Variants in IL12B observed in about 807,000 individuals in gnomAD.
The protein encoded by IL12B is interleukin 12B, also known as interleukin-12 subunit beta.
In IL12B, 27 loss-of-function variants were observed where a neutral mutation model predicts 39.2. That is an observed-to-expected ratio of 0.69 (90% CI 0.51 to 0.95). The LOEUF (loss-of-function observed/expected upper bound fraction) is 0.95, where lower values mean the gene tolerates loss of function less well. Ranked by LOEUF, IL12B falls within the 40% of genes least tolerant of loss-of-function variation. The probability of loss-of-function intolerance (pLI) is 0.00; values close to 1 mark genes in which losing one functional copy is unlikely to be tolerated. For synonymous variants in IL12B, 142 were observed against 152.1 expected (o/e 0.93, Z 0.49); for missense variants, 351 against 397.6 (o/e 0.88, Z 1.00).
chr5:159,320,880 A>G (rs1754074610), intron 4 of IL12B, among the ~76,000 whole-genome samples: 1 of 152,244 alleles, frequency 6.6e-6, no homozygotes, highest in Admixed American at 6.5e-5. Context: ...ATAAAGATCC[A>G]TATAAAGGAA....
chr5:159,323,436 AC>A, intron 2 of IL12B, 107 bp from the exon 3 acceptor site: 3 of 1,052,832 alleles, frequency 2.8e-6, no homozygotes, highest in Non-Finnish European at 4.3e-6. Context: ...AACCTTGTTT[AC>A]AACAAGTATT....
rs377524637 is a variant in IL12B, at chr5:159,316,734, C to A, written c.938G>T (p.Arg313Leu). Residue 313 changes from arginine to leucine, a missense_variant, in exon 7 of 8, where the codon CGC (arginine) becomes CTC (leucine). Transcript: ENST00000231228. ...TTCGCTCCAAGATGAGCTATAGTAG[C>A]GGTCCTGGGCCCGCACGCTAATGCT... is the stretch of plus-strand genomic sequence containing the variant. ...NASISVRAQD[R>L]YYSSSWSEWA... The A allele has an allele frequency of 6.2e-7, 1 of 1,614,084 alleles. No individual in the cohort carries two copies. The highest frequency in any genetic ancestry group is 8.5e-7 in the Non-Finnish European group (1 of 1,180,016).
At chr5:159,317,260 T>C (rs1285890644) in intron 6 of IL12B, among the ~76,000 whole-genome samples, 1 of 152,218 alleles carries the variant, frequency 6.6e-6, no homozygotes, top group Non-Finnish European at 1.5e-5. Flanking sequence ...TGTCTTAGGT[T>C]CTCTGTGTCT....
intron 1 of IL12B, among the ~76,000 whole-genome samples, chr5:159,329,309 G>C (rs1754240546): frequency 6.6e-6 from 1 of 152,188 alleles, no homozygotes; most frequent in East Asian, 1.9e-4. Flanking sequence ...TTCTAGAACT[G>C]TGTGACTCTG....
intron 4 of IL12B, among the ~76,000 whole-genome samples, chr5:159,321,775 T>C (rs977500591): frequency 6.6e-6 from 1 of 152,238 alleles, no homozygotes; most frequent in African/African-American, 2.4e-5. Context: ...AAAGTCAGGA[T>C]GATCACCTGG....
intron 5 of IL12B, 96 bp from the exon 6 acceptor site, chr5:159,318,989 G>T: frequency 9.8e-7 from 1 of 1,017,134 alleles, no homozygotes; most frequent in Non-Finnish European, 1.5e-6. Context: ...GATCAGCTGT[G>T]AGTCCACTGG....
At chr5:159,326,916 T>A (rs528788313) in intron 1 of IL12B, 134 bp from the exon 2 acceptor site, 70 of 693,168 alleles carry the variant, frequency 1.0e-4, no homozygotes, top group East Asian at 7.3e-4. Context: ...ACTTTTTTTT[T>A]AAATAAAATC....
intron 2 of IL12B, among the ~76,000 whole-genome samples, chr5:159,324,356 A>C (rs972641250): frequency 6.6e-6 from 1 of 152,184 alleles, no homozygotes; most frequent in African/African-American, 2.4e-5. Flanking sequence ...GCAAAGCTTC[A>C]TTCATTTTTT....
intron 1 of IL12B, among the ~76,000 whole-genome samples, chr5:159,328,902 G>C (rs77173556): frequency 6.6e-6 from 1 of 152,288 alleles, no homozygotes; most frequent in Middle Eastern, 3.4e-3. Flanking sequence ...AGGTGATGGT[G>C]GTGGGTCTCC....
rs1411266117 is a variant in IL12B at position 159,316,932 on chromosome 5, C to T, written c.856-116G>A. 6.8e-6 allele frequency: 8 copies of T among 1,172,496 alleles called. No individual in the cohort carries two copies. In the East Asian group the frequency reaches 1.6e-4, roughly 24 times the overall value. 72.6% of individuals were successfully genotyped at this position (1,172,496 alleles called of 1,614,324 possible). On this transcript the variant is annotated intron_variant, in intron 6 of 7. Coordinates refer to ENST00000231228, the MANE Select transcript of IL12B (RefSeq NM_002187.3). ...ACAAGCCCATCTTGGTCTTAGGGCACTGTGCTTGCAATTCACAGGGGTGTG... is the reference window on the plus strand; with the variant it reads ...ACAAGCCCATCTTGGTCTTAGGGCATTGTGCTTGCAATTCACAGGGGTGTG...
Position 159,316,427 on chromosome 5 carries a change from T to C in IL12B, c.*258A>G, listed in dbSNP as rs572390462. On this transcript the variant is annotated intron_variant, in intron 7 of 7. Transcript: ENST00000231228. ...TCTGCCTCCTGGCTACCTCTCTCTT[T>C]TCTTTGCCTTTCTCTTTAGGAGGCC... is the stretch of plus-strand genomic sequence containing the variant. Among the ~76,000 whole-genome samples, 17 of 152,366 alleles carry C rather than the reference T, an allele frequency of 1.1e-4. 1 individual carries two copies. The South Asian group carries it at 3.5e-3, about 32-fold the overall frequency.
Position 159,315,355 on chromosome 5 carries a change from G to A in IL12B, c.*746C>T, listed in dbSNP as rs41292468. 178 of 152,116 alleles carry A rather than the reference G, an allele frequency of 1.2e-3. No homozygotes were observed. The highest frequency in any genetic ancestry group is 2.2e-3 in the Non-Finnish European group (151 of 68,040). The allele number at this position is 152,116 out of a possible 1,614,324, so 9.4% of individuals were successfully genotyped here. On this transcript the variant is annotated 3_prime_UTR_variant, in exon 8 of 8. Coordinates refer to ENST00000231228, the MANE Select transcript of IL12B (RefSeq NM_002187.3). ...CCACAAGCATGAGCCACCACGCCTG[G>A]CTAATTTTAAATTTTTTTTGTAGAG...
intron 7 of IL12B, 137 bp downstream of exon 7, chr5:159,316,548 A>G: frequency 1.2e-6 from 1 of 850,470 alleles, no homozygotes; most frequent in Non-Finnish European, 1.9e-6. Context: ...TAGTGAATAA[A>G]TGTATGTTTC....
At position 159,314,790 on chromosome 5, in the gene IL12B, A is replaced by G. The variant is rs1232124629; in HGVS notation, c.*1311T>C. ...TGAGAATGCCCAAAATATGATTACA[A>G]AGAAGAGTTTTTATTAGTTCAGCCT... On this transcript the variant is annotated 3_prime_UTR_variant, in exon 8 of 8. Coordinates refer to ENST00000231228, the MANE Select transcript of IL12B (RefSeq NM_002187.3). 1 of 152,344 alleles carries G rather than the reference A, an allele frequency of 6.6e-6. No homozygotes were observed. The highest frequency in any genetic ancestry group is 1.5e-5 in the Non-Finnish European group (1 of 68,046). The allele number at this position is 152,344 out of a possible 1,614,324, so 9.4% of individuals were successfully genotyped here.
intron 1 of IL12B, among the ~76,000 whole-genome samples, chr5:159,328,207 C>A (rs936340936): frequency 2.6e-5 from 4 of 152,178 alleles, no homozygotes; most frequent in Non-Finnish European, 2.9e-5. Context: ...CCTTCTTGGA[C>A]ACTGCTCAGT....
In IL12B at chr5:159,316,836, C is replaced by G; in HGVS notation, c.856-20G>C. The G allele has an allele frequency of 1.2e-6, 2 of 1,613,766 alleles. No individual in the cohort carries two copies. Among genetic ancestry groups the G allele is most frequent in the Non-Finnish European group, 1.7e-6 (2 of 1,179,940 alleles). Reference sequence around the variant, plus strand: ...ATCTTTCTGCAAAAGAGAAGGAAAGCTGTGAAGACCCCTTGGCAACATAGT... The same window carrying G: ...ATCTTTCTGCAAAAGAGAAGGAAAGGTGTGAAGACCCCTTGGCAACATAGT... On this transcript the variant is annotated intron_variant, in intron 6 of 7. Coordinates refer to ENST00000231228, the MANE Select transcript of IL12B (RefSeq NM_002187.3).
chr5:159,328,663 G>A (rs975692249), intron 1 of IL12B, among the ~76,000 whole-genome samples: 1 of 152,196 alleles, frequency 6.6e-6, no homozygotes, highest in Non-Finnish European at 1.5e-5. Context: ...AAACCCAGAG[G>A]CTGGCACACT....
chr5:159,320,227 C>T, intron 5 of IL12B, 79 bp downstream of exon 5: 2 of 1,216,398 alleles, frequency 1.6e-6, no homozygotes, highest in Admixed American at 1.7e-5. Context: ...ACCACCTACC[C>T]CACAGTGCAT....
In IL12B at chr5:159,318,796, T is replaced by C. The variant is rs1322740189; in HGVS notation, c.795A>G (p.Pro265=). 1 of 1,614,094 alleles carries C rather than the reference T, an allele frequency of 6.2e-7. No individual in the cohort carries two copies. Among genetic ancestry groups the C allele is most frequent in the Admixed American group, 1.7e-5 (1 of 60,022 alleles). Residue 265 remains proline (P), a synonymous_variant, in exon 6 of 8, where the codon CCA becomes CCG. Coordinates refer to ENST00000231228, the MANE Select transcript of IL12B (RefSeq NM_002187.3). ...AGAATGTCAGGGAGAAGTAGGAATG[T>C]GGAGTACTCCAGGTGTCAGGGTACT... ...SWEYPDTWST[P]HSYFSLTFCV... is the part of the protein sequence containing the mutation.
Sources: gnomAD v4.1 joint callset for allele counts (sites outside exome capture counted in the v4.1 genomes callset) on GRCh38, gnomAD v4.1.1 for gene constraint, MANE v1.5 for transcripts, NCBI Gene and HGNC (gene_info 2026-07-23, HGNC 2026-07-21) for gene names.